TG: variants seen among roughly 807,000 people sequenced by gnomAD.
The protein encoded by TG is thyroglobulin.
A neutral mutation model predicts 324.7 loss-of-function variants in TG; 270 were observed. The ratio of observed to expected loss-of-function variants is 0.83; its 90% CI spans 0.75 to 0.92. The LOEUF is 0.92. Among genes scored for constraint, TG ranks in the 40% least tolerant of loss-of-function variants. The pLI is 0.00. For missense variants in TG, 3,591 were observed against 3,456.4 expected, an observed-to-expected ratio of 1.04 and a Z score of -0.98; for synonymous variants, 1,401 against 1,327.0, an observed-to-expected ratio of 1.06 and a Z score of -1.21.
chr8:132,948,691 T>C lies in TG; in HGVS notation c.5234-85T>C, dbSNP rs2246625. 0.59 allele frequency: 853,713 copies of C among 1,447,668 alleles called. 257,163 individuals are homozygous for C. Among genetic ancestry groups the C allele is most frequent in the Admixed American group, 0.65 (38,893 of 59,806 alleles). The allele number at this position is 1,447,668 out of a possible 1,614,324, so 89.7% of individuals were successfully genotyped here. ...CTGAGACGCTGTCACCTATCTTTAT[T>C]TGCAAATGCTCTCAGGGGACAGAGA... On this transcript the variant is annotated intron_variant, in intron 26 of 47. Transcript: ENST00000220616.
chr8:133,019,415 C>T (rs997253682), intron 38 of TG, among the ~76,000 whole-genome samples, 187 bp from the exon 39 acceptor site: 1 of 152,188 alleles, frequency 6.6e-6, no homozygotes, highest in Admixed American at 6.5e-5. Flanking sequence ...GAGCGGTGGG[C>T]ACTCTGTCAT....
intron 41 of TG, chr8:133,073,045 T>C (rs1020990823): frequency 6.6e-6 from 1 of 152,234 alleles, no homozygotes; most frequent in Non-Finnish European, 1.5e-5. Context: ...TTAGTACCTA[T>C]TATCTCCTAG....
Position 132,893,941 on chromosome 8 carries a change from G to C in TG, c.3001+12G>C. ...GGCGGCTCAGTCTAGTGAGTGTGGT[G>C]CCCTTCAGCTTTCTTACTGCATCGC... On this transcript the variant is annotated intron_variant, in intron 11 of 47. Coordinates refer to ENST00000220616, the MANE Select transcript of TG (RefSeq NM_003235.5). The C allele has an allele frequency of 6.2e-7, 1 of 1,613,996 alleles. No individual in the cohort carries two copies. Among genetic ancestry groups the C allele is most frequent in the Non-Finnish European group, 8.5e-7 (1 of 1,179,924 alleles).
At chr8:133,049,215 A>G (rs778961185) in intron 41 of TG, 2 of 453,728 alleles carry the variant, frequency 4.4e-6, no homozygotes, top group African/African-American at 4.0e-5. Flanking sequence ...TTATTTTCTT[A>G]TCTGTTGAGC....
intron 22 of TG, among the ~76,000 whole-genome samples, chr8:132,924,786 C>T (rs950961636): frequency 2.0e-5 from 3 of 152,314 alleles, no homozygotes; most frequent in East Asian, 3.9e-4. Context: ...CAGTTTCCCC[C>T]GTTGTAAGAG....
intron 43 of TG, among the ~76,000 whole-genome samples, chr8:133,098,819 A>G (rs970566018): frequency 1.3e-5 from 2 of 152,072 alleles, no homozygotes; most frequent in African/African-American, 4.8e-5. Flanking sequence ...GCCCAGGCTC[A>G]TGTTTTCTGA....
chr8:133,032,922 T>C (rs1279534251), intron 41 of TG, among the ~76,000 whole-genome samples: 2 of 152,130 alleles, frequency 1.3e-5, no homozygotes, highest in African/African-American at 2.4e-5. Flanking sequence ...GATAAGAAAT[T>C]TGAGGCTCAG....
Position 132,972,697 on chromosome 8 carries a change from A to T in TG, c.6155A>T (p.Asp2052Val). The change falls in exon 34 of 48, where the codon GAC becomes GTC. Residue 2052 changes from aspartate (D) to valine (V), a missense_variant. Asp to Val is a radical substitution (Grantham distance 152). Coordinates refer to ENST00000220616, the MANE Select transcript of TG (RefSeq NM_003235.5). ...CGCATTTTGGACTGTGGCTCTCCTG[A>T]CATTGAAGTCCACACCTATCCCTTC... ...AWRILDCGSP[D>V]IEVHTYPFGW... is the part of the protein sequence containing the mutation. 1.2e-6 allele frequency: 2 copies of T among 1,613,700 alleles called. No individual in the cohort carries two copies.
chr8:132,986,640 T>A (rs1831590544), intron 35 of TG, among the ~76,000 whole-genome samples: 1 of 152,168 alleles, frequency 6.6e-6, no homozygotes, highest in African/African-American at 2.4e-5. Flanking sequence ...GGTCATTTGA[T>A]TGTTTATTAT....
intron 46 of TG, 54 bp downstream of exon 46, chr8:133,132,000 C>T: frequency 6.2e-7 from 1 of 1,612,466 alleles, no homozygotes; most frequent in Non-Finnish European, 8.5e-7. Context: ...CCTCCCGCTT[C>T]CTTCAAGCAG....
chr8:133,019,831 C>T, intron 39 of TG, 136 bp downstream of exon 39: 1 of 716,934 alleles, frequency 1.4e-6, no homozygotes, highest in South Asian at 1.5e-5. Context: ...TGCCTAAGGA[C>T]ACTCAGTTAG....
chr8:132,923,635 CT>C lies in TG; in HGVS notation c.4699+128del, dbSNP rs1587423114. 14 of 1,191,762 alleles carry C rather than the reference CT, an allele frequency of 1.2e-5. No homozygotes were observed. The East Asian group carries it at 3.6e-4, about 31-fold the overall frequency. The allele number at this position is 1,191,762 out of a possible 1,614,324, so 73.8% of individuals were successfully genotyped here. A position where few individuals can be genotyped will look rare whatever the true frequency, so the allele number is the denominator to read the frequency against. On this transcript the variant is annotated intron_variant, in intron 22 of 47. Coordinates refer to ENST00000220616, the MANE Select transcript of TG (RefSeq NM_003235.5). Reference sequence around the variant, plus strand: ...ACTTTTTGTTTTGAAAAATTTTAATCTGTGTAGAAGTTGGAAGAACCGCAAA... The same window carrying C: ...ACTTTTTGTTTTGAAAAATTTTAATCGTGTAGAAGTTGGAAGAACCGCAAA...
At chr8:133,042,266 C>G (rs1373933272) in intron 41 of TG, among the ~76,000 whole-genome samples, 2 of 152,170 alleles carry the variant, frequency 1.3e-5, no homozygotes, top group East Asian at 3.9e-4. Context: ...GTTCAGACCC[C>G]CTGGTCTAAT....
In TG at chr8:132,961,008, G is replaced by A. The variant is rs1827676524; in HGVS notation, c.5402G>A (p.Ser1801Asn). The change falls in exon 28 of 48, where the codon AGT becomes AAT. Residue 1801 changes from serine (S) to asparagine (N), a missense_variant and splice_region_variant. By Grantham distance (46) the Ser-to-Asn change is conservative. Transcript: ENST00000220616. ...LRLGDQEFIK[S>N]LTPLEGTQDT... ...TAAAAATAAACATCTTCCTTTGCAG[G>A]TCTGACACCCTTAGAAGGAACTCAA... 6.2e-7 allele frequency: 1 copy of A among 1,613,888 alleles called. No individual in the cohort carries two copies. The highest frequency in any genetic ancestry group is 1.7e-5 in the Admixed American group (1 of 60,000).
intron 8 of TG, among the ~76,000 whole-genome samples, 188 bp from the exon 9 acceptor site, chr8:132,886,260 A>G (rs1815403806): frequency 6.6e-6 from 1 of 152,218 alleles, no homozygotes; most frequent in African/African-American, 2.4e-5. Flanking sequence ...CACACTTCCA[A>G]AATGGCCCCA....
At chr8:132,982,350 G>A (rs536201397) in intron 34 of TG, among the ~76,000 whole-genome samples, 6 of 152,150 alleles carry the variant, frequency 3.9e-5, no homozygotes, top group Admixed American at 6.5e-5. Flanking sequence ...CCCATGTACC[G>A]TCCTAGTTTG....
intron 43 of TG, chr8:133,103,110 G>T (rs1849470908): frequency 6.2e-6 from 1 of 160,026 alleles, no homozygotes; most frequent in Non-Finnish European, 1.4e-5. Context: ...GGACGGGAGG[G>T]TGTTAGGGTC....
chr8:133,128,560 A>ATCAGACCCAT (rs1178573205), intron 45 of TG, among the ~76,000 whole-genome samples: 29 of 152,128 alleles, frequency 1.9e-4, no homozygotes, highest in African/African-American at 7.0e-4. Context: ...AACGGAGATG[A>ATCAGACCCAT]TCAGACCCAT....
intron 41 of TG, among the ~76,000 whole-genome samples, chr8:133,085,770 G>A (rs1184927091): frequency 6.6e-6 from 1 of 152,156 alleles, no homozygotes; most frequent in East Asian, 1.9e-4. Context: ...ATTGCTGGTG[G>A]GAATATAAAA....
Sources: allele counts gnomAD v4.1 joint callset (sites outside exome capture counted in the v4.1 genomes callset), GRCh38; gene constraint gnomAD v4.1.1; transcripts MANE v1.5; gene names NCBI Gene and HGNC (gene_info 2026-07-23, HGNC 2026-07-21).